NBPF9: variants seen among roughly 807,000 people sequenced by gnomAD.
NBPF9 encodes NBPF family member NBPF9.
NBPF9 carries 91 observed loss-of-function variants against 97.8 expected under a neutral mutation model. The observed-to-expected ratio is 0.93, with a 90% CI of 0.79 to 1.11. The LOEUF (loss-of-function observed/expected upper bound fraction) is 1.11. NBPF9 is among the 50% of genes least tolerant of loss of function. NBPF9 has a pLI of 0.00. For missense variants in NBPF9, 992 were observed against 939.5 expected, an observed-to-expected ratio of 1.06 and a Z score of -0.73; for synonymous variants, 334 against 359.5, an observed-to-expected ratio of 0.93 and a Z score of 0.80.
At chr1:149,056,071 G>A (rs1355105179) in intron 29 of NBPF9, among the ~76,000 whole-genome samples, 172 bp from the exon 30 acceptor site, 66 of 151,882 alleles carry the variant, frequency 4.3e-4, no homozygotes, top group African/African-American at 1.6e-3. Flanking sequence ...ACAGGGCCAG[G>A]TAGAAAACAA....
chr1:149,087,829 T>C (rs2081136591), intron 5 of NBPF9, among the ~76,000 whole-genome samples: 1 of 68,184 alleles, frequency 1.5e-5, no homozygotes, highest in Non-Finnish European at 2.7e-5. Context: ...TTGACTTTCC[T>C]TTTTTTTTTT....
intron 27 of NBPF9, among the ~76,000 whole-genome samples, chr1:149,057,727 AC>A (rs2152862532): frequency 3.1e-5 from 3 of 96,946 alleles, no homozygotes; most frequent in South Asian, 4.5e-4. Context: ...ACACACACAC[AC>A]ACACACACAC....
chr1:149,082,129 G>C lies in NBPF9; in HGVS notation c.11C>G (p.Ser4Ter). The stretch of plus-strand genomic sequence containing the variant: ...CTTCTCGCTGGACCAAGGGCCGGCT[G>C]ATACCACCATGCTGACGTTTGTGGC... The change falls in exon 7 of 30, where the codon TCA (serine) becomes TGA (stop). Residue 4 changes from serine to a stop codon, truncating the protein, a stop_gained. Transcript: ENST00000584027. LOFTEE classifies it high-confidence loss of function. 3 of 1,611,990 alleles carry C rather than the reference G, an allele frequency of 1.9e-6. No homozygotes were observed. The highest frequency in any genetic ancestry group is 1.7e-6 in the Non-Finnish European group (2 of 1,179,820).
intron 4 of NBPF9, among the ~76,000 whole-genome samples, chr1:149,095,116 AAC>A (rs1289197797): frequency 1.4e-5 from 2 of 143,092 alleles, no homozygotes; most frequent in Non-Finnish European, 3.0e-5. Flanking sequence ...GAAAAGAGAA[AAC>A]ACACACATAT....
At chr1:149,103,114 G>T (rs1358150167) in intron 1 of NBPF9, among the ~76,000 whole-genome samples, 187 bp downstream of exon 1, 1 of 151,998 alleles carries the variant, frequency 6.6e-6, no homozygotes, top group Non-Finnish European at 1.5e-5. Context: ...GGGCGGCAGC[G>T]GCAAGCGAGG....
chr1:149,072,983 C>G lies in NBPF9; in HGVS notation c.1092-51G>C, dbSNP rs111393524. The G allele has an allele frequency of 2.2e-5, 34 of 1,577,808 alleles. 3 individuals are homozygous for G. In the South Asian group the frequency reaches 3.2e-4, roughly 15 times the overall value. On this transcript the variant is annotated intron_variant, in intron 13 of 29. Transcript: ENST00000584027. ...TAAGAGTGGAAAGGGTTGAGTGATC[C>G]GCTCAAATATTGCAACAGAGATTTC...
rs1348565024 is a variant in NBPF9 at position 149,082,227 on chromosome 1, T to C, written c.-36+45A>G. On this transcript the variant is annotated intron_variant, in intron 6 of 29. Coordinates refer to ENST00000584027, the Ensembl canonical transcript of NBPF9. ...TGGGTTAAAAACTGGTGAAATCAAA[T>C]AGGTTTAATCAGGACTGAGGGATGT... 5.6e-6 allele frequency: 8 copies of C among 1,436,754 alleles called. No individual in the cohort carries two copies. The East Asian group carries it at 1.4e-4, about 25-fold the overall frequency. The allele number at this position is 1,436,754 out of a possible 1,614,324, so 89.0% of individuals were successfully genotyped here. A position where few individuals can be genotyped will look rare whatever the true frequency, so the allele number is the denominator to read the frequency against.
intron 27 of NBPF9, among the ~76,000 whole-genome samples, 197 bp from the exon 28 acceptor site, chr1:149,057,704 G>GACACACACACACAC (rs879952249): frequency 1.8e-4 from 5 of 27,846 alleles, no homozygotes; most frequent in Non-Finnish European, 2.5e-4. Flanking sequence ...AAGACAGATA[G>GACACACACACACAC]ACACACACAC....
chr1:149,064,872 A>G, intron 18 of NBPF9: 2 of 529,386 alleles, frequency 3.8e-6, no homozygotes, highest in Non-Finnish European at 3.3e-6. Flanking sequence ...GGACACAGAG[A>G]TTTGATGAGG....
At chr1:149,068,368 T>C (rs1205757283) in intron 17 of NBPF9, among the ~76,000 whole-genome samples, 2 of 151,176 alleles carry the variant, frequency 1.3e-5, no homozygotes, top group African/African-American at 4.9e-5. Context: ...CAGTGTGCTG[T>C]ATTCAGGAAA....
intron 15 of NBPF9, 110 bp downstream of exon 15, chr1:149,071,494 G>A: frequency 4.2e-6 from 5 of 1,200,292 alleles, no homozygotes; most frequent in Non-Finnish European, 3.6e-6. Flanking sequence ...ACATACTGTG[G>A]CCAAGCGAAT....
At chr1:149,058,103 C>T (rs1486920208) in intron 27 of NBPF9, 61 bp downstream of exon 27, 5 of 533,152 alleles carry the variant, frequency 9.4e-6, no homozygotes, top group Non-Finnish European at 1.6e-5. Flanking sequence ...GCTCTGTTTT[C>T]CCTGAACCAG....
chr1:149,064,794 A>G lies in NBPF9; in HGVS notation c.1802-312T>C, dbSNP rs182348879. 7.4e-4 allele frequency: 431 copies of G among 583,014 alleles called. 6 individuals are homozygous for G. Among genetic ancestry groups the G allele is most frequent in the African/African-American group, 7.2e-3 (382 of 53,182 alleles). The allele number at this position is 583,014 out of a possible 1,614,324, so 36.1% of individuals were successfully genotyped here. A position where few individuals can be genotyped will look rare whatever the true frequency, so the allele number is the denominator to read the frequency against. On this transcript the variant is annotated intron_variant, in intron 18 of 29. Coordinates refer to ENST00000584027, the Ensembl canonical transcript of NBPF9. ...TAGGCAAATAGTTCTAACACCTCAT[A>G]GGAGAGATACTTCAATATTAAGCTT...
downstream of NBPF9, among the ~76,000 whole-genome samples, chr1:149,053,565 C>G (rs1444958182): frequency 0.012 from 1,624 of 139,114 alleles, no homozygotes; most frequent in Middle Eastern, 0.031. Context: ...TTTTGAATAG[C>G]TCATGAGCGT....
chr1:149,073,009 T>A lies in NBPF9; in HGVS notation c.1092-77A>T. The A allele has an allele frequency of 5.9e-6, 9 of 1,517,684 alleles. 1 individual carries two copies. Among genetic ancestry groups the A allele is most frequent in the Non-Finnish European group, 8.2e-6 (9 of 1,094,016 alleles). The allele number at this position is 1,517,684 out of a possible 1,614,324, so 94.0% of individuals were successfully genotyped here. On this transcript the variant is annotated intron_variant, in intron 13 of 29. Coordinates refer to ENST00000584027, the Ensembl canonical transcript of NBPF9. The stretch of plus-strand genomic sequence containing the variant: ...GCTCAAATATTGCAACAGAGATTTC[T>A]GAAACAGTGTCCTCAAGGAGACCTC...
rs1385892753 is a variant in NBPF9, at chr1:149,102,859, G to A, written c.-842-12C>T. ...TGCCCATCACCAGCCTGGAGAAACC[G>A]CCAGGAGCAGAATCCCGGAGGCCAA... On this transcript the variant is annotated splice_polypyrimidine_tract_variant and intron_variant, in intron 1 of 29. Coordinates refer to ENST00000584027, the Ensembl canonical transcript of NBPF9. 6.6e-6 allele frequency: 1 copy of A among 151,740 alleles called. No homozygotes were observed. Among genetic ancestry groups the A allele is most frequent in the Non-Finnish European group, 1.5e-5 (1 of 67,914 alleles). The allele number at this position is 151,740 out of a possible 1,614,324, so 9.4% of individuals were successfully genotyped here. A position where few individuals can be genotyped will look rare whatever the true frequency, so the allele number is the denominator to read the frequency against.
chr1:149,065,625 G>A, exon 18 of NBPF9: 3 of 1,602,344 alleles, frequency 1.9e-6, no homozygotes, highest in South Asian at 2.2e-5. Flanking sequence ...GGAATTGAGG[G>A]AGTCGAATAA....
At chr1:149,081,913 G>C in intron 7 of NBPF9, 52 bp downstream of exon 7, 3 of 1,265,370 alleles carry the variant, frequency 2.4e-6, no homozygotes, top group Non-Finnish European at 3.4e-6. Flanking sequence ...GTCTCAGAGA[G>C]AAGACAGGAC....
chr1:149,083,151 T>G (rs1475580697), intron 5 of NBPF9, among the ~76,000 whole-genome samples: 10 of 149,712 alleles, frequency 6.7e-5, no homozygotes, highest in Non-Finnish European at 1.5e-4. Flanking sequence ...CTAATTTGTT[T>G]GATTGTGTTT....
Sources: allele counts gnomAD v4.1 joint callset (sites outside exome capture counted in the v4.1 genomes callset), GRCh38; gene constraint gnomAD v4.1.1; transcripts MANE v1.5; gene names NCBI Gene and HGNC (gene_info 2026-07-23, HGNC 2026-07-21).